Variants in PNPLA1 observed in about 807,000 individuals in gnomAD.
PNPLA1 encodes patatin like domain 1, omega-hydroxyceramide transacylase.
PNPLA1 carries 36 observed loss-of-function variants against 51.7 expected under a neutral mutation model. The observed-to-expected ratio is 0.70, with a 90% confidence interval of 0.53 to 0.92. PNPLA1 has a LOEUF of 0.92. PNPLA1 is among the 40% of genes least tolerant of loss of function. The pLI is 0.00. For missense variants in PNPLA1, 658 were observed against 682.5 expected (o/e 0.96, Z 0.40); for synonymous variants, 293 against 280.1 (o/e 1.05, Z -0.46).
Position 36,275,981 on chromosome 6 carries a change from C to A in PNPLA1, c.205+5317C>A, listed in dbSNP as rs1770084614. Among the ~76,000 whole-genome samples, 3 of 133,282 alleles carry A rather than the reference C, an allele frequency of 2.3e-5. 1 individual carries two copies. The South Asian group carries it at 6.8e-4, about 30-fold the overall frequency. 87.4% of individuals were successfully genotyped at this position (133,282 alleles called of 152,430 possible). On this transcript the variant is annotated intron_variant, in intron 1 of 8. Coordinates refer to ENST00000636260, the MANE Select transcript of PNPLA1 (RefSeq NM_001374623.1). ...CTTTCTTTCTTTCTTTCTTTTGAGA[C>A]AGAGTCTCGCTCTGTTGCCCAGGCT...
intron 1 of PNPLA1, among the ~76,000 whole-genome samples, chr6:36,287,324 G>GA (rs1770524881): frequency 6.6e-6 from 1 of 152,170 alleles, no homozygotes; most frequent in Non-Finnish European, 1.5e-5. Context: ...TGTGAGAGGA[G>GA]GAGGAGAACC....
intron 5 of PNPLA1, among the ~76,000 whole-genome samples, chr6:36,296,752 G>T (rs189970961): frequency 6.6e-6 from 1 of 152,130 alleles, no homozygotes; most frequent in Non-Finnish European, 1.5e-5. Flanking sequence ...GGCCCTGGAG[G>T]CAAGTAGCTC....
chr6:36,254,898 A>T (rs1396164723), intron 1 of PNPLA1, among the ~76,000 whole-genome samples: 1 of 152,038 alleles, frequency 6.6e-6, no homozygotes, highest in Non-Finnish European at 1.5e-5. Flanking sequence ...CTGCAAAAGG[A>T]TGTTCAAAGG....
chr6:36,283,288 CACTT>C (rs1248795916), intron 1 of PNPLA1, among the ~76,000 whole-genome samples: 5 of 152,358 alleles, frequency 3.3e-5, no homozygotes, highest in African/African-American at 1.2e-4. Context: ...TAAACCAACT[CACTT>C]AGACAGTATT....
At chr6:36,279,023 T>C (rs892024718) in intron 1 of PNPLA1, among the ~76,000 whole-genome samples, 2 of 151,886 alleles carry the variant, frequency 1.3e-5, no homozygotes, top group African/African-American at 4.8e-5. Context: ...CCCTCTGAGG[T>C]GGATGAAGCT....
rs149269475 is a variant in PNPLA1 at position 36,275,350 on chromosome 6, G to A, written c.205+4686G>A. 2.0e-5 allele frequency among the ~76,000 whole-genome samples: 3 copies of A among 152,286 alleles called. No individual in the cohort carries two copies. The East Asian group carries it at 5.8e-4, about 29-fold the overall frequency. Reference sequence around the variant, plus strand: ...CCTTCCTCAGCCTCCCAAAATGCAAGAGTTACAGGCCTAAACCAGTGCGCC... The same window carrying A: ...CCTTCCTCAGCCTCCCAAAATGCAAAAGTTACAGGCCTAAACCAGTGCGCC... On this transcript the variant is annotated intron_variant, in intron 1 of 8. Coordinates refer to ENST00000636260, the MANE Select transcript of PNPLA1 (RefSeq NM_001374623.1).
At chr6:36,302,821 A>AT (rs1342899675) in intron 6 of PNPLA1, among the ~76,000 whole-genome samples, 1 of 151,946 alleles carries the variant, frequency 6.6e-6, no homozygotes, top group Non-Finnish European at 1.5e-5. Flanking sequence ...CCTCCAGGTG[A>AT]TTTTTTGCCT....
At chr6:36,274,513 A>T (rs9368919) in intron 1 of PNPLA1, among the ~76,000 whole-genome samples, 42,020 of 152,046 alleles carry the variant, frequency 0.28, 5,882 homozygotes, top group South Asian at 0.42. Context: ...TAGTCATTTT[A>T]TTGATGGATC....
intron 1 of PNPLA1, among the ~76,000 whole-genome samples, chr6:36,271,727 G>A (rs924841814): frequency 3.3e-5 from 5 of 152,194 alleles, no homozygotes; most frequent in East Asian, 1.9e-4. Context: ...CGAAGCCTGC[G>A]GTGTGGAAAA....
chr6:36,282,220 A>AGGAAGGAAGGAAGGAAGGAAGGAC, intron 1 of PNPLA1, among the ~76,000 whole-genome samples: 1 of 147,972 alleles, frequency 6.8e-6, no homozygotes, highest in South Asian at 2.2e-4. Context: ...AAGGGAAGGA[A>AGGAAGGAAGGAAGGAAGGAAGGAC]GGAAGGAAGG....
In PNPLA1 at chr6:36,312,817, G is replaced by A. The variant is rs1274679985; in HGVS notation, c.*931G>A. 6.6e-6 allele frequency among the ~76,000 whole-genome samples: 1 copy of A among 152,144 alleles called. No individual in the cohort carries two copies. Among genetic ancestry groups the A allele is most frequent in the East Asian group, 1.9e-4 (1 of 5,192 alleles). ...AGACTGATGGATGCCAGCACTGATC[G>A]GCACTCATGGACCTTCCTCTCAACC... On this transcript the variant is annotated 3_prime_UTR_variant, in exon 9 of 9. Transcript: ENST00000636260.
intron 1 of PNPLA1, among the ~76,000 whole-genome samples, chr6:36,252,123 C>G (rs1339897278): frequency 6.6e-6 from 1 of 152,174 alleles, no homozygotes; most frequent in East Asian, 1.9e-4. Context: ...CCCTTGCCTT[C>G]TCTCCTTCCT....
At chr6:36,278,039 C>T (rs1467138288) in intron 1 of PNPLA1, among the ~76,000 whole-genome samples, 2 of 152,226 alleles carry the variant, frequency 1.3e-5, no homozygotes, top group Admixed American at 1.3e-4. Flanking sequence ...TAGAATGACC[C>T]TCTGCCCCCC....
chr6:36,276,766 C>G (rs1005155880), intron 1 of PNPLA1, among the ~76,000 whole-genome samples: 1 of 151,464 alleles, frequency 6.6e-6, no homozygotes, highest in Non-Finnish European at 1.5e-5. Context: ...TCCTTCCTTC[C>G]TTCCTTCCTT....
upstream of PNPLA1, among the ~76,000 whole-genome samples, chr6:36,268,781 G>C (rs1437915270): frequency 6.6e-6 from 1 of 152,176 alleles, no homozygotes; most frequent in Non-Finnish European, 1.5e-5. Context: ...GAGCTTCTGT[G>C]TGCTCCTGTC....
chr6:36,301,503 G>A (rs200790582), intron 5 of PNPLA1, among the ~76,000 whole-genome samples: 5 of 151,064 alleles, frequency 3.3e-5, no homozygotes, highest in East Asian at 3.9e-4. Context: ...TGTTCCCTCT[G>A]CTGAAACACC....
At chr6:36,305,796 T>TGGA (rs1771214476) in intron 6 of PNPLA1, among the ~76,000 whole-genome samples, 1 of 132,124 alleles carries the variant, frequency 7.6e-6, no homozygotes, top group African/African-American at 2.9e-5. Flanking sequence ...TTTTTGGTGG[T>TGGA]GGAGGAGGAG....
At chr6:36,275,358 G>C (rs768548130) in intron 1 of PNPLA1, among the ~76,000 whole-genome samples, 9 of 152,128 alleles carry the variant, frequency 5.9e-5, no homozygotes, top group Non-Finnish European at 8.8e-5. Context: ...AAGAGTTACA[G>C]GCCTAAACCA....
Position 36,307,790 on chromosome 6 carries a change from T to C in PNPLA1, c.1595+78T>C, listed in dbSNP as rs369145194. 27 of 1,560,388 alleles carry C rather than the reference T, an allele frequency of 1.7e-5. No individual in the cohort carries two copies. In the East Asian group the frequency reaches 4.7e-4, roughly 27 times the overall value. ...CTGTGTTCAGAGAGATTCCGAGGAA[T>C]AGAGGAGAGTGTAAGGGAGTAGGGG... On this transcript the variant is annotated intron_variant, in intron 8 of 8. Coordinates refer to ENST00000636260, the MANE Select transcript of PNPLA1 (RefSeq NM_001374623.1).
Sources: allele counts gnomAD v4.1 joint callset (sites outside exome capture counted in the v4.1 genomes callset), GRCh38; gene constraint gnomAD v4.1.1; transcripts MANE v1.5; gene names NCBI Gene and HGNC (gene_info 2026-07-23, HGNC 2026-07-21).